IRS1: variants seen among roughly 807,000 people sequenced by gnomAD.
The protein encoded by IRS1 is insulin receptor substrate 1.
A neutral mutation model predicts 65.6 loss-of-function variants in IRS1; 34 were observed. The ratio of observed to expected loss-of-function variants is 0.52; its 90% CI spans 0.39 to 0.69. The LOEUF is 0.69. Among genes scored for constraint, IRS1 ranks in the 30% least tolerant of loss-of-function variants. IRS1 has a pLI of 0.00. For missense variants in IRS1, 1,641 were observed against 1,720.2 expected (o/e 0.95, Z 0.81); for synonymous variants, 699 against 683.5 (o/e 1.02, Z -0.35).
rs542610444 is a variant in IRS1, at chr2:226,732,580, A to C, written c.*3692T>G. On this transcript the variant is annotated 3_prime_UTR_variant, in exon 2 of 2. Coordinates refer to ENST00000305123, the MANE Select transcript of IRS1 (RefSeq NM_005544.3). ...TCTATATATGTGTGTATATATCTAT[A>C]TATTTGTATATATTCATCTATATAT... is the stretch of plus-strand genomic sequence containing the variant. 6.7e-6 allele frequency: 1 copy of C among 149,890 alleles called. No homozygotes were observed. The highest frequency in any genetic ancestry group is 1.9e-4 in the East Asian group (1 of 5,152). 9.3% of individuals were successfully genotyped at this position (149,890 alleles called of 1,614,324 possible).
intron 1 of IRS1, among the ~76,000 whole-genome samples, chr2:226,751,428 C>T (rs1022553582): frequency 2.6e-5 from 4 of 151,824 alleles, no homozygotes; most frequent in Non-Finnish European, 4.4e-5. Flanking sequence ...GGACTACAGG[C>T]GCCTGCCACG....
In IRS1 at chr2:226,732,830, G is replaced by A. The variant is rs1169836656; in HGVS notation, c.*3442C>T. 2.0e-5 allele frequency: 3 copies of A among 151,848 alleles called. No homozygotes were observed. Among genetic ancestry groups the A allele is most frequent in the Non-Finnish European group, 4.4e-5 (3 of 68,010 alleles). The allele number at this position is 151,848 out of a possible 1,614,324, so 9.4% of individuals were successfully genotyped here. On this transcript the variant is annotated 3_prime_UTR_variant, in exon 2 of 2. Coordinates refer to ENST00000305123, the MANE Select transcript of IRS1 (RefSeq NM_005544.3). ...ATTGCAAAGAAGAAATTTCATATTG[G>A]CTTCCACCCATTCTTCTTCCCATTC...
At chr2:226,752,663 TCA>T (rs2106163326) in intron 1 of IRS1, among the ~76,000 whole-genome samples, 1 of 152,366 alleles carries the variant, frequency 6.6e-6, no homozygotes, top group Admixed American at 6.5e-5. Context: ...ATCGTGTAAT[TCA>T]CAGAGTTGTT....
At chr2:226,767,891 C>T (rs1377209355) in intron 1 of IRS1, among the ~76,000 whole-genome samples, 2 of 152,134 alleles carry the variant, frequency 1.3e-5, no homozygotes, top group Admixed American at 1.3e-4. Context: ...TAGAATAAAA[C>T]TTAGTAACAT....
rs377465384 is a variant in IRS1 at position 226,795,758 on chromosome 2, A to G, written c.2981T>C (p.Met994Thr). ...SSRGDYMTMQ[M>T]SCPRQSYVDT... The stretch of plus-strand genomic sequence containing the variant: ...CACGTAGCTCTGACGGGGACAACTC[A>G]TCTGCATGGTCATGTAGTCACCCCG... Residue 994 changes from methionine (M) to threonine (T), a missense_variant, in exon 1 of 2, where the codon ATG becomes ACG. Coordinates refer to ENST00000305123, the MANE Select transcript of IRS1 (RefSeq NM_005544.3). 1 of 1,613,282 alleles carries G rather than the reference A, an allele frequency of 6.2e-7. No homozygotes were observed.
Position 226,732,671 on chromosome 2 carries a change from A to T in IRS1, c.*3601T>A, listed in dbSNP as rs565222341. On this transcript the variant is annotated 3_prime_UTR_variant, in exon 2 of 2. Coordinates refer to ENST00000305123, the MANE Select transcript of IRS1 (RefSeq NM_005544.3). ...ACACACAAAGACACACACATGTCAC[A>T]TATATATACACACACACATATATAT... The T allele has an allele frequency of 6.7e-6, 1 of 149,566 alleles. No homozygotes were observed. The highest frequency in any genetic ancestry group is 2.0e-4 in the East Asian group (1 of 5,110). The allele number at this position is 149,566 out of a possible 1,614,324, so 9.3% of individuals were successfully genotyped here.
intron 1 of IRS1, among the ~76,000 whole-genome samples, chr2:226,767,643 C>A (rs1939081566): frequency 1.3e-5 from 2 of 152,208 alleles, no homozygotes; most frequent in African/African-American, 4.8e-5. Flanking sequence ...ACGCAAAGGG[C>A]CTGGTTTGAC....
chr2:226,769,848 A>G (rs183793977), intron 1 of IRS1, among the ~76,000 whole-genome samples: 119 of 152,336 alleles, frequency 7.8e-4, no homozygotes, highest in Admixed American at 3.6e-3. Flanking sequence ...GTATACATTC[A>G]TCTTAGTTGA....
chr2:226,778,351 C>T (rs1939313035), intron 1 of IRS1, among the ~76,000 whole-genome samples: 2 of 152,122 alleles, frequency 1.3e-5, no homozygotes, highest in African/African-American at 4.8e-5. Flanking sequence ...ACCATAAAAG[C>T]TGTTATCCAC....
intron 1 of IRS1, among the ~76,000 whole-genome samples, chr2:226,738,882 T>G (rs1408627144): frequency 6.6e-6 from 1 of 152,116 alleles, no homozygotes; most frequent in Non-Finnish European, 1.5e-5. Flanking sequence ...AAAGGGCATA[T>G]GGTATGTTTT....
rs1938304856 is a variant in IRS1, at chr2:226,735,332, C to T, written c.*940G>A. 1 of 152,206 alleles carries T rather than the reference C, an allele frequency of 6.6e-6. No individual in the cohort carries two copies. The highest frequency in any genetic ancestry group is 1.5e-5 in the Non-Finnish European group (1 of 68,022). 9.4% of individuals were successfully genotyped at this position (152,206 alleles called of 1,614,324 possible). On this transcript the variant is annotated 3_prime_UTR_variant, in exon 2 of 2. Coordinates refer to ENST00000305123, the MANE Select transcript of IRS1 (RefSeq NM_005544.3). Reference sequence around the variant, plus strand: ...CTTTTGAATTGAAGGAATCACCCATCTCCTTCTGTTTACAATACATGCAAT... The same window carrying T: ...CTTTTGAATTGAAGGAATCACCCATTTCCTTCTGTTTACAATACATGCAAT...
At chr2:226,775,792 C>T (rs542359911) in intron 1 of IRS1, among the ~76,000 whole-genome samples, 5 of 152,256 alleles carry the variant, frequency 3.3e-5, no homozygotes, top group African/African-American at 1.2e-4. Context: ...TATGCACATC[C>T]TCCGGTATAC....
intron 1 of IRS1, among the ~76,000 whole-genome samples, chr2:226,776,218 C>G (rs1452096291): frequency 1.3e-5 from 2 of 152,080 alleles, no homozygotes; most frequent in Non-Finnish European, 2.9e-5. Flanking sequence ...AAAGCTGGAA[C>G]AATTTGAGCA....
intron 1 of IRS1, among the ~76,000 whole-genome samples, chr2:226,768,626 G>C (rs1342437577): frequency 6.6e-6 from 1 of 152,098 alleles, no homozygotes. Flanking sequence ...TAAAATTCAT[G>C]TGAAACTAGG....
intron 1 of IRS1, among the ~76,000 whole-genome samples, chr2:226,745,824 C>A (rs1938530485): frequency 6.6e-6 from 1 of 152,166 alleles, no homozygotes; most frequent in Non-Finnish European, 1.5e-5. Context: ...ATGAATCCAC[C>A]AACCAAATGC....
rs1317856648 is a variant in IRS1, at chr2:226,799,220, AGG to A, written c.-484_-483del. On this transcript the variant is annotated 5_prime_UTR_variant, in exon 1 of 2. The change abolishes the stop of an existing upstream ORF in the 5' untranslated region. Transcript: ENST00000305123. This position sits in a 1 kb window ranked among gnomAD's most constrained non-coding sequence, Gnocchi z 6.1. ...CGAGGCAAATTAAATATCCTTGGGC[AGG>A]GGGAGGCGGGTTGCCAAGTCCCAAC... 9.0e-7 allele frequency: 1 copy of A among 1,116,834 alleles called. No homozygotes were observed. The highest frequency in any genetic ancestry group is 1.1e-6 in the Non-Finnish European group (1 of 897,634). 69.2% of individuals were successfully genotyped at this position (1,116,834 alleles called of 1,614,324 possible). A position where few individuals can be genotyped will look rare whatever the true frequency, so the allele number is the denominator to read the frequency against.
Position 226,795,213 on chromosome 2 carries a change from C to G in IRS1, c.3526G>C (p.Gly1176Arg). 6.2e-7 allele frequency: 1 copy of G among 1,614,038 alleles called. No individual in the cohort carries two copies. Among genetic ancestry groups the G allele is most frequent in the South Asian group, 1.1e-5 (1 of 91,074 alleles). ...AAATCCAGGTCTATGTAGTTAAGACCATTCTCCAAACCCCCAGCAGCCCCA... is the reference window on the plus strand; with the variant it reads ...AAATCCAGGTCTATGTAGTTAAGACGATTCTCCAAACCCCCAGCAGCCCCA... ...LCGAAGGLENGLNYIDLDLVK... is the reference protein window; with the variant it reads ...LCGAAGGLENRLNYIDLDLVK... Residue 1176 changes from glycine (G) to arginine (R), a missense_variant, in exon 1 of 2, where the codon GGT (glycine) becomes CGT (arginine). By Grantham distance (125) the Gly-to-Arg change is moderately radical (BLOSUM62 -2). Around this residue, in one of 3 missense-constraint regions of IRS1, gnomAD observed 1,324 missense variants for 1,361.0 expected, o/e 0.97. Coordinates refer to ENST00000305123, the MANE Select transcript of IRS1 (RefSeq NM_005544.3).
rs1559158032 is a variant in IRS1 at position 226,793,088 on chromosome 2, G to GT, written c.*21+1900dup. ...AAGGATAGAATTTTGTAGAGTTTTT[G>GT]TTTTTTTAATGCATCCAACACATAG... is the stretch of plus-strand genomic sequence containing the variant. On this transcript the variant is annotated intron_variant, in intron 1 of 1. Coordinates refer to ENST00000305123, the MANE Select transcript of IRS1 (RefSeq NM_005544.3). 2.6e-5 allele frequency among the ~76,000 whole-genome samples: 4 copies of GT among 152,020 alleles called. No individual in the cohort carries two copies. In the South Asian group the frequency reaches 6.2e-4, roughly 24 times the overall value.
rs545319314 is a variant in IRS1, at chr2:226,745,440, A to G, written c.*22-9190T>C. Among the ~76,000 whole-genome samples the G allele has an allele frequency of 5.9e-5, 9 of 152,362 alleles. No individual in the cohort carries two copies. The South Asian group carries it at 1.2e-3, about 21-fold the overall frequency. ...TACATGGCTGTCATGCTTTTTAAAG[A>G]CTGATAATTTTGTTTAAGTCAAAAC... On this transcript the variant is annotated intron_variant, in intron 1 of 1. Transcript: ENST00000305123.
Sources: allele counts gnomAD v4.1 joint callset (sites outside exome capture counted in the v4.1 genomes callset), GRCh38; gene constraint gnomAD v4.1.1; regional missense constraint gnomAD v4.1.1; non-coding constraint Gnocchi (gnomAD v3.1); transcripts MANE v1.5; gene names NCBI Gene and HGNC (gene_info 2026-07-23, HGNC 2026-07-21).